The following STK32C variants were observed in gnomAD, a reference collection of about 807,000 sequenced individuals.
The protein encoded by STK32C is serine/threonine-protein kinase 32C.
In STK32C, 31 loss-of-function variants were observed where a neutral mutation model predicts 56.5. That is an observed-to-expected ratio of 0.55 (90% CI 0.41 to 0.74). The LOEUF (loss-of-function observed/expected upper bound fraction) is 0.74, where lower values mean the gene tolerates loss of function less well. Among genes scored for constraint, STK32C ranks in the 30% least tolerant of loss-of-function variants. STK32C has a pLI of 0.00. For missense variants in STK32C, 544 were observed against 676.9 expected (o/e 0.80, Z 2.18); for synonymous variants, 309 against 289.4 (o/e 1.07, Z -0.69).
chr10:132,241,167 C>T (rs1159863809), intron 2 of STK32C, among the ~76,000 whole-genome samples: 1 of 152,208 alleles, frequency 6.6e-6, no homozygotes, highest in Non-Finnish European at 1.5e-5. Flanking sequence ...ACCCTCCACC[C>T]ACACCTGCTG....
At chr10:132,303,877 T>C (rs1590458268) in intron 1 of STK32C, among the ~76,000 whole-genome samples, 2 of 152,138 alleles carry the variant, frequency 1.3e-5, no homozygotes, top group South Asian at 2.1e-4. Flanking sequence ...TGGCAGCAGG[T>C]GGTCTGGTTC....
chr10:132,266,239 C>A (rs910607342), intron 1 of STK32C, among the ~76,000 whole-genome samples: 1 of 152,168 alleles, frequency 6.6e-6, no homozygotes, highest in Non-Finnish European at 1.5e-5. Flanking sequence ...TACAAGAGCG[C>A]GTCGTGCGAT....
At chr10:132,244,930 G>A (rs771225184) in intron 2 of STK32C, among the ~76,000 whole-genome samples, 13 of 152,128 alleles carry the variant, frequency 8.5e-5, no homozygotes, top group Non-Finnish European at 1.6e-4. Flanking sequence ...GTCCACGGGC[G>A]CCTCCCAACA....
chr10:132,212,439 T>C (rs2137577861), intron 10 of STK32C, among the ~76,000 whole-genome samples: 1 of 152,312 alleles, frequency 6.6e-6, no homozygotes, highest in East Asian at 1.9e-4. Context: ...ATCACACAGC[T>C]AAACGCAAGA....
chr10:132,254,137 G>A (rs1368356377), intron 1 of STK32C, among the ~76,000 whole-genome samples: 11 of 152,064 alleles, frequency 7.2e-5, no homozygotes, highest in African/African-American at 1.7e-4. Flanking sequence ...GTGAAACCCC[G>A]TCTCTACTAA....
chr10:132,284,861 C>T (rs533791649), intron 1 of STK32C, among the ~76,000 whole-genome samples: 51 of 145,314 alleles, frequency 3.5e-4, no homozygotes, highest in Admixed American at 3.2e-3. Context: ...CCCACATCTG[C>T]CCAAAGACCA....
chr10:132,307,421 G>T lies in STK32C; in HGVS notation c.262+151C>A. 2 of 898,274 alleles carry T rather than the reference G, an allele frequency of 2.2e-6. No homozygotes were observed. The highest frequency in any genetic ancestry group is 3.0e-6 in the Non-Finnish European group (2 of 661,744). The allele number at this position is 898,274 out of a possible 1,614,324, so 55.6% of individuals were successfully genotyped here. On this transcript the variant is annotated intron_variant, in intron 1 of 11. Transcript: ENST00000298630. This position sits in a 1 kb window ranked among gnomAD's most constrained non-coding sequence, Gnocchi z 4.4. ...GGGCGCCCAGAACTCGCGTGGGGCC[G>T]CAGCCACCCGGCGCGAGCTTCTCCG...
rs147481184 is a variant in STK32C at position 132,262,535 on chromosome 10, G to A, written c.263-16580C>T. Among the ~76,000 whole-genome samples the A allele has an allele frequency of 5.2e-3, 795 of 152,148 alleles. 11 individuals carry two copies. Among genetic ancestry groups the A allele is most frequent in the African/African-American group, 0.018 (739 of 41,502 alleles). ...CAGGGAGAAAATATTCACAAACTACGCATCTGACAAAGTTCTAATAACCAG... is the reference window on the plus strand; with the variant it reads ...CAGGGAGAAAATATTCACAAACTACACATCTGACAAAGTTCTAATAACCAG... On this transcript the variant is annotated intron_variant, in intron 1 of 11. Coordinates refer to ENST00000298630, the MANE Select transcript of STK32C (RefSeq NM_173575.4).
At chr10:132,331,989 A>G (rs1590556977), upstream of STK32C, 3 of 371,208 alleles carry the variant, frequency 8.1e-6, no homozygotes, top group East Asian at 5.0e-5. Flanking sequence ...GGGCAGGCGC[A>G]CCACACCCGA....
chr10:132,281,028 TCCCTGCACTCCGTGATCACAC>T (rs1487656323), intron 1 of STK32C, among the ~76,000 whole-genome samples: 61 of 128,734 alleles, frequency 4.7e-4, no homozygotes, highest in African/African-American at 1.9e-3. Flanking sequence ...CGTGATCACG[TCCCTGCACTCCGTGATCACAC>T]CCCTGCACTC....
chr10:132,290,156 G>A (rs972244599), intron 1 of STK32C, among the ~76,000 whole-genome samples: 4 of 152,170 alleles, frequency 2.6e-5, no homozygotes, highest in South Asian at 2.1e-4. Context: ...GAAGAACCCC[G>A]GGACCCAGCC....
At chr10:132,296,996 G>A (rs1274977892) in intron 1 of STK32C, among the ~76,000 whole-genome samples, 5 of 152,342 alleles carry the variant, frequency 3.3e-5, no homozygotes, top group African/African-American at 4.8e-5. Flanking sequence ...GCCACAGACA[G>A]AGGCCAAGGC....
chr10:132,277,249 C>T (rs1163363533), intron 1 of STK32C, among the ~76,000 whole-genome samples: 1 of 152,172 alleles, frequency 6.6e-6, no homozygotes, highest in Non-Finnish European at 1.5e-5. Context: ...TCAGGGCCCT[C>T]CACGAGAGCC....
rs78641202 is a variant in STK32C at position 132,210,052 on chromosome 10, C to A, written c.1252-951G>T. ...CTCAACCCTATCTAGACATACAAAA[C>A]GTACAGCAAAACCCAGTGTTACCAT... On this transcript the variant is annotated intron_variant, in intron 10 of 11. Coordinates refer to ENST00000298630, the MANE Select transcript of STK32C (RefSeq NM_173575.4). Among the ~76,000 whole-genome samples the A allele has an allele frequency of 2.0e-5, 3 of 152,312 alleles. No homozygotes were observed. The South Asian group carries it at 6.2e-4, about 32-fold the overall frequency.
chr10:132,323,549 C>T (rs1002735966), downstream of STK32C, among the ~76,000 whole-genome samples: 2 of 152,182 alleles, frequency 1.3e-5, no homozygotes, highest in African/African-American at 2.4e-5. This position sits in a 1 kb window ranked among gnomAD's most constrained non-coding sequence, Gnocchi z 4.8. Flanking sequence ...CCCTCAGAGA[C>T]GTCCATGTCT....
chr10:132,212,679 G>A (rs569737386), intron 10 of STK32C, among the ~76,000 whole-genome samples: 156 of 152,374 alleles, frequency 1.0e-3, no homozygotes, highest in African/African-American at 1.0e-3. Context: ...ACACACCTGC[G>A]TTCAGGAAAT....
chr10:132,300,685 T>G (rs2138364950), intron 1 of STK32C, among the ~76,000 whole-genome samples: 1 of 152,304 alleles, frequency 6.6e-6, no homozygotes, highest in East Asian at 1.9e-4. Flanking sequence ...GGGAGGGGCC[T>G]GCGTCTCTGC....
chr10:132,267,711 CTA>C (rs1473319900), intron 1 of STK32C, among the ~76,000 whole-genome samples: 2 of 128,464 alleles, frequency 1.6e-5, no homozygotes, highest in African/African-American at 3.2e-5. Flanking sequence ...AGCTCTATGT[CTA>C]TGTGCATGCA....
At chr10:132,275,939 C>T (rs1000868898) in intron 1 of STK32C, among the ~76,000 whole-genome samples, 1 of 152,158 alleles carries the variant, frequency 6.6e-6, no homozygotes, top group Non-Finnish European at 1.5e-5. Flanking sequence ...AAACCTCAGC[C>T]CCCCACCCCG....
Sources: gnomAD v4.1 joint callset for allele counts (sites outside exome capture counted in the v4.1 genomes callset) on GRCh38, gnomAD v4.1.1 for gene constraint, Gnocchi (gnomAD v3.1) non-coding constraint, MANE v1.5 for transcripts, NCBI Gene and HGNC (gene_info 2026-07-23, HGNC 2026-07-21) for gene names.